TTLL9: variants seen among roughly 807,000 people sequenced by gnomAD.
The protein encoded by TTLL9 is tubulin tyrosine ligase like 9, also known as probable tubulin polyglutamylase TTLL9.
TTLL9 carries 47 observed loss-of-function variants against 65.6 expected under a neutral mutation model. That is an observed-to-expected ratio of 0.72 (90% CI 0.57 to 0.91). The LOEUF is 0.91. Ranked by LOEUF, TTLL9 falls within the 40% of genes least tolerant of loss-of-function variation. The probability of loss-of-function intolerance (pLI) is 0.00; values close to 1 mark genes in which losing one functional copy is unlikely to be tolerated. For synonymous variants in TTLL9, 179 were observed against 204.8 expected (o/e 0.87, Z 1.07); for missense variants, 537 against 568.8 (o/e 0.94, Z 0.57).
At chr20:31,928,082 A>G (rs1490771562) in intron 10 of TTLL9, among the ~76,000 whole-genome samples, 1 of 151,052 alleles carries the variant, frequency 6.6e-6, no homozygotes, top group African/African-American at 2.4e-5. Context: ...TAAATAATAC[A>G]TGTAAAGCAG....
intron 6 of TTLL9, among the ~76,000 whole-genome samples, chr20:31,919,127 A>G (rs2063778364): frequency 6.6e-6 from 1 of 152,238 alleles, no homozygotes; most frequent in Non-Finnish European, 1.5e-5. Context: ...CCCAGGAATC[A>G]GCTTTGTTCT....
chr20:31,937,474 G>C lies in TTLL9; in HGVS notation c.1083G>C (p.Leu361=), dbSNP rs2064131879. The C allele has an allele frequency of 1.2e-6, 2 of 1,613,808 alleles. No homozygotes were observed. The highest frequency in any genetic ancestry group is 1.7e-6 in the Non-Finnish European group (2 of 1,179,836). The part of the protein sequence containing the change: ...QEDYELKTCL[L]EDTLHVVDME... The stretch of plus-strand genomic sequence containing the variant: ...ACTATGAGCTCAAGACCTGCCTCCT[G>C]GAAGACACCCTGCATGTTGTGGACA... The change falls in exon 13 of 15, where the codon CTG becomes CTC. Residue 361 remains leucine (L), a synonymous_variant. Coordinates refer to ENST00000535842, the MANE Select transcript of TTLL9 (RefSeq NM_001008409.5).
chr20:31,937,578 G>T, intron 13 of TTLL9, 69 bp downstream of exon 13: 1 of 1,324,744 alleles, frequency 7.5e-7, no homozygotes, highest in East Asian at 2.5e-5. Flanking sequence ...AGGAAGAGGG[G>T]GAGCTTAGAA....
intron 3 of TTLL9, among the ~76,000 whole-genome samples, chr20:31,888,880 G>A (rs1170400056): frequency 3.3e-5 from 5 of 152,052 alleles, no homozygotes; most frequent in Non-Finnish European, 7.4e-5. Flanking sequence ...TTATCACCAA[G>A]GGGATGTTGC....
chr20:31,916,993 A>G (rs1182304833), intron 6 of TTLL9, among the ~76,000 whole-genome samples: 2 of 152,186 alleles, frequency 1.3e-5, no homozygotes, highest in African/African-American at 4.8e-5. Context: ...AAGGAAGAAG[A>G]GGAAGGAAAG....
At position 31,925,129 on chromosome 20, in the gene TTLL9, G is replaced by A. The variant is rs1397742867; in HGVS notation, c.705+80G>A. 2.7e-6 allele frequency: 4 copies of A among 1,456,122 alleles called. No homozygotes were observed. In the African/African-American group the frequency reaches 5.6e-5, roughly 20 times the overall value. 90.2% of individuals were successfully genotyped at this position (1,456,122 alleles called of 1,614,324 possible). ...TAGGGAGATGGGGGGAAGAGGCCTG[G>A]GGGTACCTTGTGTGAGCTTGTCTGG... On this transcript the variant is annotated intron_variant, in intron 9 of 14. Transcript: ENST00000535842.
chr20:31,916,266 C>A (rs553561090), intron 6 of TTLL9, among the ~76,000 whole-genome samples: 17 of 152,294 alleles, frequency 1.1e-4, no homozygotes, highest in African/African-American at 3.8e-4. Flanking sequence ...ATCACTTCTG[C>A]CATAGGCAAT....
chr20:31,939,218 G>T lies in TTLL9; in HGVS notation c.1195G>T (p.Ala399Ser). 1 of 1,613,350 alleles carries T rather than the reference G, an allele frequency of 6.2e-7. No homozygotes were observed. Among genetic ancestry groups the T allele is most frequent in the Non-Finnish European group, 8.5e-7 (1 of 1,179,670 alleles). The change falls in exon 14 of 15, where the codon GCT (alanine) becomes TCT (serine). Residue 399 changes from alanine (A) to serine (S), a missense_variant. Physicochemically the swap from Ala to Ser is moderately conservative, Grantham distance 99 (BLOSUM62 1). This residue lies in a region of TTLL9 where 205 missense variants were observed against 225.9 expected (regional missense o/e 0.91). Transcript: ENST00000535842. Reference sequence around the variant, plus strand: ...TGGCCCTGTTAGCAGAGAGGAGGGGGCTCCTGACCTGTCGGGAATGGGAAA... The same window carrying T: ...TGGCCCTGTTAGCAGAGAGGAGGGGTCTCCTGACCTGTCGGGAATGGGAAA... ...NDGPVSREEG[A>S]PDLSGMGNFV...
chr20:31,918,137 TC>T (rs1465255876), intron 6 of TTLL9, among the ~76,000 whole-genome samples: 1 of 152,026 alleles, frequency 6.6e-6, no homozygotes, highest in Non-Finnish European at 1.5e-5. Context: ...CAAGAGACTT[TC>T]CCCCCACCTC....
In TTLL9 at chr20:31,926,094, A is replaced by G. The variant is rs2063901092; in HGVS notation, c.748+3A>G. On this transcript the variant is annotated splice_donor_region_variant and intron_variant, in intron 10 of 14. Transcript: ENST00000535842. ...GTGGTCTGGGCACAGGAGACAGGGT[A>G]TGAGATAGGTCTGGTCCCTTCCCTC... 14 of 1,590,944 alleles carry G rather than the reference A, an allele frequency of 8.8e-6. No individual in the cohort carries two copies. Among genetic ancestry groups the G allele is most frequent in the Admixed American group, 3.3e-5 (2 of 59,948 alleles).
At chr20:31,883,196 C>G (rs889473930) in intron 2 of TTLL9, among the ~76,000 whole-genome samples, 2 of 148,340 alleles carry the variant, frequency 1.3e-5, no homozygotes, top group Non-Finnish European at 3.0e-5. Context: ...CCTGAGAATT[C>G]TTTCTTTTTT....
chr20:31,889,972 CTCTTTCTTTCTTTCTTTCTT>C (rs758616240), intron 3 of TTLL9, among the ~76,000 whole-genome samples: 1,210 of 113,918 alleles, frequency 0.011, 11 homozygotes, highest in African/African-American at 0.033. Context: ...CCACATCTCT[CTCTTTCTTTCTTTCTTTCTT>C]TCTTTCTTTC....
intron 4 of TTLL9, among the ~76,000 whole-genome samples, chr20:31,908,217 G>T (rs899155478): frequency 6.6e-6 from 1 of 152,194 alleles, no homozygotes; most frequent in Non-Finnish European, 1.5e-5. Context: ...GTGGCAACTG[G>T]CAAGAACAAG....
chr20:31,899,629 G>C (rs8124268), intron 4 of TTLL9, among the ~76,000 whole-genome samples: 42,542 of 148,656 alleles, frequency 0.29, 6,415 homozygotes, highest in South Asian at 0.41. Flanking sequence ...GCGAGACCCT[G>C]ACTCAAAAAA....
rs2064263949 is a variant in TTLL9, at chr20:31,943,686, C to T, written c.*665C>T. 1 of 456,190 alleles carries T rather than the reference C, an allele frequency of 2.2e-6. No individual in the cohort carries two copies. Among genetic ancestry groups the T allele is most frequent in the Admixed American group, 2.4e-5 (1 of 42,530 alleles). 28.3% of individuals were successfully genotyped at this position (456,190 alleles called of 1,614,324 possible). ...CCATTTCTCAGATGGACAAGACAGA[C>T]CAGGGAGGCAGAGCTTAGTGAGGGT... On this transcript the variant is annotated 3_prime_UTR_variant, in exon 15 of 15. Transcript: ENST00000535842.
Position 31,919,848 on chromosome 20 carries a change from C to G in TTLL9, c.505-16C>G. On this transcript the variant is annotated splice_polypyrimidine_tract_variant and intron_variant, in intron 6 of 14. Transcript: ENST00000535842. The stretch of plus-strand genomic sequence containing the variant: ...GCAGAGCTAAGAGCTGGCTTTCTGC[C>G]CCCATCCCACCCCAGGTAGCCCGGT... The G allele has an allele frequency of 6.3e-7, 1 of 1,579,604 alleles. No homozygotes were observed. The highest frequency in any genetic ancestry group is 8.6e-7 in the Non-Finnish European group (1 of 1,164,046).
chr20:31,873,832 G>GAAAGA (rs1555800248), intron 2 of TTLL9, among the ~76,000 whole-genome samples: 1 of 75,658 alleles, frequency 1.3e-5, no homozygotes, highest in African/African-American at 4.9e-5. Flanking sequence ...AAGAAAGAAA[G>GAAAGA]AAAGAAAGAA....
chr20:31,881,450 C>T (rs1308237759), intron 2 of TTLL9, among the ~76,000 whole-genome samples: 2 of 152,162 alleles, frequency 1.3e-5, no homozygotes, highest in African/African-American at 4.8e-5. Flanking sequence ...CCTCACATCC[C>T]ACATCCAATA....
intron 2 of TTLL9, among the ~76,000 whole-genome samples, chr20:31,877,339 A>G (rs968699679): frequency 6.6e-6 from 1 of 152,176 alleles, no homozygotes; most frequent in Non-Finnish European, 1.5e-5. Flanking sequence ...GGGTTTCACC[A>G]TGGTGGCCAG....
Sources: allele counts gnomAD v4.1 joint callset (sites outside exome capture counted in the v4.1 genomes callset), GRCh38; gene constraint gnomAD v4.1.1; regional missense constraint gnomAD v4.1.1; transcripts MANE v1.5; gene names NCBI Gene and HGNC (gene_info 2026-07-23, HGNC 2026-07-21).